Variants in LUZP2 observed in about 807,000 individuals in gnomAD.
LUZP2 encodes the protein leucine zipper protein 2.
Under a neutral mutation model 51.6 loss-of-function variants are expected in LUZP2, and 52 were observed. That is an observed-to-expected ratio of 1.01 (90% CI 0.81 to 1.27). LUZP2 has a LOEUF of 1.27. Among genes scored for constraint, LUZP2 ranks in the 50% most tolerant of loss-of-function variants. The probability of loss-of-function intolerance (pLI) is 0.00; values close to 1 mark genes in which losing one functional copy is unlikely to be tolerated. For missense variants in LUZP2, 436 were observed against 395.4 expected, an observed-to-expected ratio of 1.10 and a Z score of -0.87; for synonymous variants, 154 against 137.3, an observed-to-expected ratio of 1.12 and a Z score of -0.85.
At chr11:24,587,648 C>G (rs571589870) in intron 1 of LUZP2, among the ~76,000 whole-genome samples, 1 of 152,150 alleles carries the variant, frequency 6.6e-6, no homozygotes, top group East Asian at 1.9e-4. Context: ...CTCAAAACAT[C>G]TTGTGATGAC....
intron 1 of LUZP2, among the ~76,000 whole-genome samples, chr11:24,531,301 A>G (rs1248628039): frequency 6.6e-6 from 1 of 150,752 alleles, no homozygotes. Context: ...TAATTATAAT[A>G]ATTTTAATTG....
chr11:24,547,398 C>T (rs1851589971), intron 1 of LUZP2, among the ~76,000 whole-genome samples: 1 of 151,988 alleles, frequency 6.6e-6, no homozygotes, highest in South Asian at 2.1e-4. Context: ...GGTTAGAGAA[C>T]CCAAAAGTAA....
At position 24,511,813 on chromosome 11, in the gene LUZP2, A is replaced by G. The variant is rs149201975; in HGVS notation, c.62+14508A>G. ...ACTTTTTCCGATGAGTGGAAAGAGA[A>G]CACTTAAATAACGTGATATAGATGA... On this transcript the variant is annotated intron_variant, in intron 1 of 11. Transcript: ENST00000336930. Among the ~76,000 whole-genome samples, 1,209 of 152,308 alleles carry G rather than the reference A, an allele frequency of 7.9e-3. 16 individuals are homozygous for G. Among genetic ancestry groups the G allele is most frequent in the African/African-American group, 0.028 (1,148 of 41,564 alleles).
At chr11:24,634,120 C>T (rs949705209) in intron 1 of LUZP2, among the ~76,000 whole-genome samples, 35 of 151,924 alleles carry the variant, frequency 2.3e-4, no homozygotes, top group African/African-American at 8.5e-4. Context: ...TTACTTAACC[C>T]TCTACTTCAG....
Position 25,030,905 on chromosome 11 carries a change from A to ATAT in LUZP2, c.766-19133_766-19132insTAT, listed in dbSNP as rs774386318. 8.9e-4 allele frequency among the ~76,000 whole-genome samples: 57 copies of ATAT among 64,302 alleles called. 5 individuals are homozygous for ATAT. The highest frequency in any genetic ancestry group is 7.3e-3 in the South Asian group (14 of 1,922). 42.2% of individuals were successfully genotyped at this position (64,302 alleles called of 152,430 possible). ...TACTATATATATTATATATATATAT[A>ATAT]ATATATATTGTATTATATATATATA... is the stretch of plus-strand genomic sequence containing the variant. On this transcript the variant is annotated intron_variant, in intron 9 of 11. Transcript: ENST00000336930.
At chr11:24,849,914 A>G (rs1375252882) in intron 5 of LUZP2, among the ~76,000 whole-genome samples, 2 of 152,172 alleles carry the variant, frequency 1.3e-5, no homozygotes, top group Non-Finnish European at 2.9e-5. Context: ...TGTTGGCTGC[A>G]TAAGTGTCTT....
At chr11:24,920,733 C>A (rs1319990761) in intron 7 of LUZP2, among the ~76,000 whole-genome samples, 1 of 150,754 alleles carries the variant, frequency 6.6e-6, no homozygotes, top group Non-Finnish European at 1.5e-5. Context: ...AAAATGGAAG[C>A]TAAATAATGT....
chr11:25,057,421 C>G (rs897153883), intron 10 of LUZP2, among the ~76,000 whole-genome samples: 20 of 151,998 alleles, frequency 1.3e-4, no homozygotes, highest in Non-Finnish European at 2.9e-5. Flanking sequence ...TTCTTAGCAG[C>G]ATATTCGACT....
At chr11:24,671,212 A>G (rs528691671) in intron 1 of LUZP2, among the ~76,000 whole-genome samples, 2 of 152,066 alleles carry the variant, frequency 1.3e-5, no homozygotes, top group East Asian at 1.9e-4. Context: ...GAACTCTTCT[A>G]TATCTGTGTA....
At chr11:24,700,580 GT>G (rs59343292) in intron 1 of LUZP2, among the ~76,000 whole-genome samples, 60,107 of 150,220 alleles carry the variant, frequency 0.4, 12,327 homozygotes, top group East Asian at 0.63. Flanking sequence ...CAGAAATTGT[GT>G]TTTTTTTTTA....
rs865947210 is a variant in LUZP2, at chr11:24,957,524, C to A, written c.523-19067C>A. Among the ~76,000 whole-genome samples the A allele has an allele frequency of 4.6e-5, 7 of 152,118 alleles. No individual in the cohort carries two copies. The South Asian group carries it at 8.3e-4, about 18-fold the overall frequency. ...TTCCATCCCCTCGATGCTTCCCAGCCTCTATTTACCACCGTCCAACTCTCT... is the reference window on the plus strand; with the variant it reads ...TTCCATCCCCTCGATGCTTCCCAGCATCTATTTACCACCGTCCAACTCTCT... On this transcript the variant is annotated intron_variant, in intron 7 of 11. Transcript: ENST00000336930.
At chr11:24,613,025 C>A (rs979056133) in intron 1 of LUZP2, among the ~76,000 whole-genome samples, 8 of 152,022 alleles carry the variant, frequency 5.3e-5, no homozygotes, top group Non-Finnish European at 1.0e-4. Flanking sequence ...AATGTCCATG[C>A]CAACTCTTAT....
intron 1 of LUZP2, among the ~76,000 whole-genome samples, chr11:24,636,121 T>C (rs1417469139): frequency 6.6e-6 from 1 of 152,114 alleles, no homozygotes; most frequent in African/African-American, 2.4e-5. Flanking sequence ...ACCAGGAAGA[T>C]TTTTTTATTT....
chr11:24,891,849 G>A, intron 5 of LUZP2: 1 of 984,606 alleles, frequency 1.0e-6, no homozygotes, highest in Non-Finnish European at 1.2e-6. Flanking sequence ...CTGAACATCT[G>A]ACTTCAATTA....
chr11:24,938,241 G>A (rs1011201757), intron 7 of LUZP2, among the ~76,000 whole-genome samples: 3 of 151,948 alleles, frequency 2.0e-5, no homozygotes, highest in African/African-American at 7.2e-5. Context: ...TTCTAATAAA[G>A]TTTTTAAATC....
chr11:24,885,763 G>A (rs1852650278), intron 5 of LUZP2, among the ~76,000 whole-genome samples: 2 of 152,096 alleles, frequency 1.3e-5, no homozygotes, highest in South Asian at 2.1e-4. Context: ...TTTCACACAC[G>A]TGGATGCTGA....
chr11:24,660,631 T>C (rs1033950245), intron 1 of LUZP2, among the ~76,000 whole-genome samples: 4 of 152,164 alleles, frequency 2.6e-5, no homozygotes, highest in Non-Finnish European at 4.4e-5. Flanking sequence ...AGTAAAAATG[T>C]GCATGAAATA....
intron 5 of LUZP2, among the ~76,000 whole-genome samples, chr11:24,876,904 C>G (rs2134281626): frequency 6.6e-6 from 1 of 152,186 alleles, no homozygotes; most frequent in African/African-American, 2.4e-5. Context: ...ATAGAGGTAG[C>G]AACGCATCAA....
chr11:25,023,856 A>G (rs1444683684), intron 9 of LUZP2, among the ~76,000 whole-genome samples: 1 of 152,176 alleles, frequency 6.6e-6, no homozygotes, highest in Non-Finnish European at 1.5e-5. Context: ...TTGGTTACAA[A>G]GAATATCTTT....
Sources: allele counts gnomAD v4.1 joint callset (sites outside exome capture counted in the v4.1 genomes callset), GRCh38; gene constraint gnomAD v4.1.1; transcripts MANE v1.5; gene names NCBI Gene and HGNC (gene_info 2026-07-23, HGNC 2026-07-21).